Variants in MGAT4C observed in about 807,000 individuals in gnomAD.
MGAT4C encodes alpha-1,3-mannosyl-glycoprotein 4-beta-N-acetylglucosaminyltransferase C.
Under a neutral mutation model 40.1 loss-of-function variants are expected in MGAT4C, and 19 were observed. The ratio of observed to expected loss-of-function variants is 0.47; its 90% CI spans 0.33 to 0.70. The LOEUF (loss-of-function observed/expected upper bound fraction) is 0.70, where lower values mean the gene tolerates loss of function less well. Among genes scored for constraint, MGAT4C ranks in the 30% least tolerant of loss-of-function variants. The probability of loss-of-function intolerance (pLI) is 0.02; values close to 1 mark genes in which losing one functional copy is unlikely to be tolerated. For missense variants in MGAT4C, 491 were observed against 563.2 expected (o/e 0.87, Z 1.30); for synonymous variants, 181 against 187.1 (o/e 0.97, Z 0.27).
At chr12:86,048,628 A>G (rs1892627753) in intron 2 of MGAT4C, among the ~76,000 whole-genome samples, 1 of 152,080 alleles carries the variant, frequency 6.6e-6, no homozygotes, top group Non-Finnish European at 1.5e-5. Context: ...AAATAAATGG[A>G]AGATATTACA....
At chr12:86,399,687 C>T (rs1396029938) in intron 3 of MGAT4C, among the ~76,000 whole-genome samples, 1 of 152,084 alleles carries the variant, frequency 6.6e-6, no homozygotes, top group African/African-American at 2.4e-5. Flanking sequence ...TTCTGGACAG[C>T]TGAACTACTG....
intron 1 of MGAT4C, among the ~76,000 whole-genome samples, chr12:86,149,178 T>G (rs1883957761): frequency 6.6e-6 from 1 of 152,264 alleles, no homozygotes; most frequent in East Asian, 1.9e-4. Context: ...AATTTTTTCA[T>G]AAAAATGTTT....
rs112163283 is a variant in MGAT4C, at chr12:86,709,824, T to C, written c.-229+17385A>G. 3.9e-4 allele frequency among the ~76,000 whole-genome samples: 60 copies of C among 152,282 alleles called. 1 individual carries two copies. Among genetic ancestry groups the C allele is most frequent in the African/African-American group, 1.4e-3 (59 of 41,562 alleles). Reference sequence around the variant, plus strand: ...CCCTGAAGAGATAGTTTTCTTGTTTTTTAGATTTTCAGGGAAAAAATTTAC... The same window carrying C: ...CCCTGAAGAGATAGTTTTCTTGTTTCTTAGATTTTCAGGGAAAAAATTTAC... On this transcript the variant is annotated intron_variant, in intron 2 of 7. Transcript: ENST00000548651.
Position 85,968,295 on chromosome 12 carries a change from T to C in MGAT4C, c.*10994A>G, listed in dbSNP as rs1456738123. ...GGGTTGAAGGCAATGCTGTTTATAT[T>C]CTTGAATTTCAATATCTACAAAGAT... On this transcript the variant is annotated 3_prime_UTR_variant, in exon 5 of 5. Coordinates refer to ENST00000611864, the MANE Select transcript of MGAT4C (RefSeq NM_001351288.2). 1 of 151,992 alleles carries C rather than the reference T, an allele frequency of 6.6e-6. No homozygotes were observed. Among genetic ancestry groups the C allele is most frequent in the Non-Finnish European group, 1.5e-5 (1 of 67,916 alleles). The allele number at this position is 151,992 out of a possible 1,614,324, so 9.4% of individuals were successfully genotyped here.
chr12:86,422,463 AC>A (rs1477969797), intron 3 of MGAT4C, among the ~76,000 whole-genome samples: 2 of 152,214 alleles, frequency 1.3e-5, no homozygotes, highest in African/African-American at 4.8e-5. Flanking sequence ...TCATTTTTCA[AC>A]CCTTGACATC....
intron 1 of MGAT4C, among the ~76,000 whole-genome samples, chr12:86,106,387 G>A (rs1011751012): frequency 1.3e-5 from 2 of 152,172 alleles, no homozygotes; most frequent in African/African-American, 2.4e-5. Context: ...TGCAAACTCC[G>A]TTTCTCAGGC....
At chr12:86,180,504 AG>A (rs1446347819) in intron 1 of MGAT4C, among the ~76,000 whole-genome samples, 1 of 152,170 alleles carries the variant, frequency 6.6e-6, no homozygotes, top group Non-Finnish European at 1.5e-5. Context: ...AGCCCATGAA[AG>A]CAGCCAGGAG....
intron 2 of MGAT4C, among the ~76,000 whole-genome samples, chr12:86,033,034 T>C (rs1294857468): frequency 2.0e-5 from 3 of 149,686 alleles, no homozygotes; most frequent in Admixed American, 6.7e-5. Flanking sequence ...CCTTTCTCCA[T>C]AGCTTGTTTT....
chr12:86,580,511 T>C lies in MGAT4C; in HGVS notation c.-228-145246A>G, dbSNP rs552157957. On this transcript the variant is annotated intron_variant, in intron 2 of 7. Transcript: ENST00000548651. ...AAAATGCCTGAAATCCATAATAAAT[T>C]TGACAGAAACATTTATCAGCACAGA... Among the ~76,000 whole-genome samples the C allele has an allele frequency of 1.6e-4, 24 of 151,494 alleles. 1 individual carries two copies. In the South Asian group the frequency reaches 5.0e-3, roughly 31 times the overall value.
intron 2 of MGAT4C, among the ~76,000 whole-genome samples, chr12:86,590,506 A>C (rs1241566336): frequency 6.6e-6 from 1 of 152,040 alleles, no homozygotes; most frequent in African/African-American, 2.4e-5. Context: ...AGCCTATGGC[A>C]GTCAATTTAA....
At chr12:86,445,868 A>G (rs545993824) in intron 2 of MGAT4C, among the ~76,000 whole-genome samples, 1 of 152,218 alleles carries the variant, frequency 6.6e-6, no homozygotes, top group Admixed American at 6.5e-5. Flanking sequence ...CAATCTACTG[A>G]TTATCTTTGG....
chr12:86,226,421 AT>A (rs1951077427), intron 1 of MGAT4C, among the ~76,000 whole-genome samples: 1 of 151,908 alleles, frequency 6.6e-6, no homozygotes, highest in Non-Finnish European at 1.5e-5. Flanking sequence ...GTGTCAACTC[AT>A]TTCTCATTTC....
At chr12:86,246,659 G>A (rs972309945) in intron 1 of MGAT4C, among the ~76,000 whole-genome samples, 1 of 152,108 alleles carries the variant, frequency 6.6e-6, no homozygotes, top group Non-Finnish European at 1.5e-5. Flanking sequence ...ATTTACAAAG[G>A]TAAATGTTAC....
chr12:86,252,324 G>T (rs892269853), intron 1 of MGAT4C, among the ~76,000 whole-genome samples: 1 of 152,040 alleles, frequency 6.6e-6, no homozygotes, highest in Non-Finnish European at 1.5e-5. Flanking sequence ...TAGGACCACA[G>T]TAAAATATTT....
intron 3 of MGAT4C, among the ~76,000 whole-genome samples, chr12:86,415,557 T>G (rs1191379765): frequency 6.6e-6 from 1 of 152,000 alleles, no homozygotes; most frequent in Non-Finnish European, 1.5e-5. Context: ...TTTGAGGATT[T>G]ATTTTTTCCT....
intron 1 of MGAT4C, among the ~76,000 whole-genome samples, chr12:86,203,142 C>G (rs1950112050): frequency 6.6e-6 from 1 of 151,830 alleles, no homozygotes; most frequent in Admixed American, 6.6e-5. Flanking sequence ...TTATATGGTA[C>G]TGGTTTGTTC....
intron 4 of MGAT4C, among the ~76,000 whole-genome samples, chr12:86,310,665 TAATCTCAGCACTTTCA>T (rs1450987923): frequency 6.6e-6 from 1 of 152,162 alleles, no homozygotes; most frequent in Non-Finnish European, 1.5e-5. Context: ...CTCATGGCTA[TAATCTCAGCACTTTCA>T]GGGGCTAAGG....
chr12:86,390,911 C>T (rs1157105402), intron 3 of MGAT4C, among the ~76,000 whole-genome samples: 1 of 152,102 alleles, frequency 6.6e-6, no homozygotes, highest in Non-Finnish European at 1.5e-5. Context: ...GACCTCAATT[C>T]TTCTAATTCT....
rs1340487010 is a variant in MGAT4C, at chr12:85,968,644, A to T, written c.*10645T>A. 1 of 151,930 alleles carries T rather than the reference A, an allele frequency of 6.6e-6. No individual in the cohort carries two copies. Among genetic ancestry groups the T allele is most frequent in the Non-Finnish European group, 1.5e-5 (1 of 67,864 alleles). The allele number at this position is 151,930 out of a possible 1,614,324, so 9.4% of individuals were successfully genotyped here. Reference sequence around the variant, plus strand: ...GATAAATGGGAAGTTTTGGAATTTTACTGTGGTACAGTCTTAGTTGCTCCG... The same window carrying T: ...GATAAATGGGAAGTTTTGGAATTTTTCTGTGGTACAGTCTTAGTTGCTCCG... On this transcript the variant is annotated 3_prime_UTR_variant, in exon 5 of 5. Transcript: ENST00000611864.
Sources: allele counts gnomAD v4.1 joint callset (sites outside exome capture counted in the v4.1 genomes callset), GRCh38; gene constraint gnomAD v4.1.1; transcripts MANE v1.5; gene names NCBI Gene and HGNC (gene_info 2026-07-23, HGNC 2026-07-21).